TPCN1: variants seen among roughly 807,000 people sequenced by gnomAD.
TPCN1 encodes the protein two pore segment channel 1, also known as two pore channel protein 1.
A neutral mutation model predicts 108.8 loss-of-function variants in TPCN1; 52 were observed. The ratio of observed to expected loss-of-function variants is 0.48; its 90% CI spans 0.38 to 0.60. The LOEUF (loss-of-function observed/expected upper bound fraction) is 0.60, where lower values mean the gene tolerates loss of function less well. TPCN1 is among the 20% of genes least tolerant of loss of function. The pLI, the probability that TPCN1 is intolerant of heterozygous loss-of-function variation, is 0.00. For synonymous variants in TPCN1, 446 were observed against 433.7 expected (o/e 1.03, Z -0.35); for missense variants, 806 against 1,072.8 (o/e 0.75, Z 3.47).
In TPCN1 at chr12:113,296,123, T is replaced by C. The variant is rs569750420; in HGVS notation, c.*47T>C. Reference sequence around the variant, plus strand: ...CTTCTATGCAATAACACAATAGTATTACTCTACTGCGATGTACGGAACTGC... The same window carrying C: ...CTTCTATGCAATAACACAATAGTATCACTCTACTGCGATGTACGGAACTGC... On this transcript the variant is annotated 3_prime_UTR_variant, in exon 28 of 28. Transcript: ENST00000335509. 1.9e-6 allele frequency: 3 copies of C among 1,599,678 alleles called. No homozygotes were observed. Among genetic ancestry groups the C allele is most frequent in the East Asian group, 2.2e-5 (1 of 44,478 alleles).
At chr12:113,252,702 G>T (rs556226600) in intron 2 of TPCN1, among the ~76,000 whole-genome samples, 1 of 152,362 alleles carries the variant, frequency 6.6e-6, no homozygotes, top group Non-Finnish European at 1.5e-5. Context: ...TCACGAGGAC[G>T]CAGCTCCATC....
Position 113,268,700 on chromosome 12 carries a change from G to A in TPCN1, c.529-42G>A. ...GTTCCAGGTATGCAGGATGACGGCT[G>A]GGCTGCAGGGGCTGACGGTGCTCCA... is the stretch of plus-strand genomic sequence containing the variant. On this transcript the variant is annotated intron_variant, in intron 5 of 27. Transcript: ENST00000335509. The surrounding 1 kb of genome is among the most constrained non-coding windows in gnomAD (Gnocchi z 7.3). The A allele has an allele frequency of 6.2e-7, 1 of 1,608,672 alleles. No individual in the cohort carries two copies. The highest frequency in any genetic ancestry group is 8.5e-7 in the Non-Finnish European group (1 of 1,178,396).
chr12:113,225,794 T>C (rs1277908506), intron 1 of TPCN1, among the ~76,000 whole-genome samples: 1 of 151,884 alleles, frequency 6.6e-6, no homozygotes, highest in African/African-American at 2.4e-5. Flanking sequence ...GACCTCAGGA[T>C]CCGCCCGCCT....
At position 113,285,893 on chromosome 12, in the gene TPCN1, T is replaced by C. The variant is rs1956059043; in HGVS notation, c.1458T>C (p.Tyr486=). The C allele has an allele frequency of 1.2e-6, 2 of 1,614,002 alleles. No homozygotes were observed. The highest frequency in any genetic ancestry group is 1.7e-6 in the Non-Finnish European group (2 of 1,179,966). The change falls in exon 18 of 28, where the codon TAT becomes TAC. Residue 486 remains tyrosine (Y), a synonymous_variant. Coordinates refer to ENST00000335509, the MANE Select transcript of TPCN1 (RefSeq NM_017901.6). ...ATGGATTCCTTCTGTCCACAGTCTA[T>C]GGGGTGGAGCTGTTCCTGAAGGTTG... ...PWSYLVFLTI[Y]GVELFLKVAG... is the part of the protein sequence containing the mutation.
At position 113,273,221 on chromosome 12, in the gene TPCN1, T is replaced by G. The variant is rs1566181457; in HGVS notation, c.784-11T>G. ...CTGGTCCCGACTTCTCTGCCCTCTC[T>G]TCCCTTGCAGTACTTCAGCACCCTG... On this transcript the variant is annotated splice_polypyrimidine_tract_variant and intron_variant, in intron 8 of 27. Transcript: ENST00000335509. The surrounding 1 kb of genome is among the most constrained non-coding windows in gnomAD (Gnocchi z 4.0). 6.2e-7 allele frequency: 1 copy of G among 1,614,188 alleles called. No individual in the cohort carries two copies. The highest frequency in any genetic ancestry group is 1.6e-4 in the Middle Eastern group (1 of 6,062).
chr12:113,234,397 T>C (rs551025393), intron 2 of TPCN1, among the ~76,000 whole-genome samples: 2 of 152,222 alleles, frequency 1.3e-5, no homozygotes, highest in Admixed American at 6.5e-5. Context: ...GAGCGGGGCA[T>C]GAGGTTAGAC....
rs369435298 is a variant in TPCN1, at chr12:113,268,982, C to A, written c.659+110C>A. On this transcript the variant is annotated intron_variant, in intron 6 of 27. Transcript: ENST00000335509. This position sits in a 1 kb window ranked among gnomAD's most constrained non-coding sequence, Gnocchi z 7.3. ...TTAGTGATGAGGTCGACCCTGCATG[C>A]TGGTGGAGTACACGCAGACTCACTC... 3 of 1,266,688 alleles carry A rather than the reference C, an allele frequency of 2.4e-6. No homozygotes were observed. The highest frequency in any genetic ancestry group is 1.1e-6 in the Non-Finnish European group (1 of 892,638). The allele number at this position is 1,266,688 out of a possible 1,614,324, so 78.5% of individuals were successfully genotyped here.
chr12:113,288,655 G>T lies in TPCN1; in HGVS notation c.1707-103G>T, dbSNP rs987317167. The T allele has an allele frequency of 6.3e-5, 99 of 1,560,386 alleles. No individual in the cohort carries two copies. The highest frequency in any genetic ancestry group is 7.6e-5 in the Non-Finnish European group (88 of 1,157,430). ...TTTCCAGTTGGTGAACCGACCAGGG[G>T]CATGGCCCTGCAGTCAGCCCCACGG... On this transcript the variant is annotated intron_variant, in intron 20 of 27. Coordinates refer to ENST00000335509, the MANE Select transcript of TPCN1 (RefSeq NM_017901.6). This position sits in a 1 kb window ranked among gnomAD's most constrained non-coding sequence, Gnocchi z 4.8.
At chr12:113,279,378 TATATATATATATA>T (rs1415603064) in intron 14 of TPCN1, among the ~76,000 whole-genome samples, 5 of 31,824 alleles carry the variant, frequency 1.6e-4, no homozygotes, top group South Asian at 1.1e-3. Flanking sequence ...TATATATATA[TATATATATATATA>T]TTTTTTTTTT....
At chr12:113,257,270 T>C (rs1954861061) in intron 2 of TPCN1, among the ~76,000 whole-genome samples, 1 of 152,190 alleles carries the variant, frequency 6.6e-6, no homozygotes, top group African/African-American at 2.4e-5. Context: ...GGCGGGCAGA[T>C]CACCTGAGGT....
At chr12:113,293,166 GAC>G in intron 26 of TPCN1, 93 bp downstream of exon 26, 1 of 1,603,612 alleles carries the variant, frequency 6.2e-7, no homozygotes, top group African/African-American at 1.3e-5. Flanking sequence ...CATTTTGAGT[GAC>G]ACAGTTGCAA....
chr12:113,264,738 G>A (rs192876350), intron 3 of TPCN1, among the ~76,000 whole-genome samples: 91 of 152,178 alleles, frequency 6.0e-4, no homozygotes, highest in African/African-American at 2.1e-3. Flanking sequence ...ATATCACATT[G>A]TACCCCATAT....
At chr12:113,239,328 T>C (rs1276513960) in intron 2 of TPCN1, among the ~76,000 whole-genome samples, 1 of 152,154 alleles carries the variant, frequency 6.6e-6, no homozygotes, top group East Asian at 1.9e-4. Context: ...CTGATGCCTG[T>C]TTGAGATGAC....
At chr12:113,233,983 C>T (rs1953792220) in intron 2 of TPCN1, among the ~76,000 whole-genome samples, 1 of 152,126 alleles carries the variant, frequency 6.6e-6, no homozygotes, top group African/African-American at 2.4e-5. Context: ...TTCTTTGTTT[C>T]CCAAAAGGAA....
In TPCN1 at chr12:113,272,703, A is replaced by G. The variant is rs2136649234; in HGVS notation, c.783+11A>G. ...AACCCTTCAGACCCCGTAAGTAATCAGCACATTTGTCCGTCTCTTCTTTTA... is the reference window on the plus strand; with the variant it reads ...AACCCTTCAGACCCCGTAAGTAATCGGCACATTTGTCCGTCTCTTCTTTTA... On this transcript the variant is annotated intron_variant, in intron 8 of 27. Transcript: ENST00000335509. This position sits in a 1 kb window ranked among gnomAD's most constrained non-coding sequence, Gnocchi z 4.1. The G allele has an allele frequency of 6.2e-7, 1 of 1,612,984 alleles. No homozygotes were observed. The highest frequency in any genetic ancestry group is 1.1e-5 in the South Asian group (1 of 91,030).
chr12:113,264,003 A>G (rs1378256248), intron 3 of TPCN1, among the ~76,000 whole-genome samples: 1 of 152,254 alleles, frequency 6.6e-6, no homozygotes. Context: ...TCTGAGCCCC[A>G]TGTCAGTGGT....
intron 2 of TPCN1, among the ~76,000 whole-genome samples, chr12:113,252,268 G>T (rs1246687029): frequency 6.6e-6 from 1 of 152,188 alleles, no homozygotes; most frequent in East Asian, 1.9e-4. Context: ...TGTCATTGAG[G>T]CTTGTTAGCA....
intron 27 of TPCN1, among the ~76,000 whole-genome samples, chr12:113,295,405 G>A (rs1327466416): frequency 1.4e-5 from 2 of 143,154 alleles, no homozygotes; most frequent in African/African-American, 5.3e-5. Flanking sequence ...CCTCGCCACT[G>A]CTCTCCAGCC....
At chr12:113,245,517 C>T (rs1310887459) in intron 2 of TPCN1, among the ~76,000 whole-genome samples, 3 of 137,738 alleles carry the variant, frequency 2.2e-5, no homozygotes, top group Admixed American at 7.4e-5. Context: ...AGGAGAATGG[C>T]GTGAGCCCGG....
Sources: gnomAD v4.1 joint callset for allele counts (sites outside exome capture counted in the v4.1 genomes callset) on GRCh38, gnomAD v4.1.1 for gene constraint, Gnocchi (gnomAD v3.1) non-coding constraint, MANE v1.5 for transcripts, NCBI Gene and HGNC (gene_info 2026-07-23, HGNC 2026-07-21) for gene names.